Variants in DNAI2 observed in about 807,000 individuals in gnomAD.
DNAI2 encodes the protein dynein axonemal intermediate chain 2, also known as dynein, axonemal, intermediate polypeptide 2.
In DNAI2, 63 loss-of-function variants were observed where a neutral mutation model predicts 74.7. The observed-to-expected ratio is 0.84, with a 90% confidence interval of 0.69 to 1.04. DNAI2 has a LOEUF of 1.04. DNAI2 is among the 50% of genes least tolerant of loss of function. DNAI2 has a pLI of 0.00. For synonymous variants in DNAI2, 289 were observed against 314.9 expected, an observed-to-expected ratio of 0.92 and a Z score of 0.87; for missense variants, 688 against 803.2, an observed-to-expected ratio of 0.86 and a Z score of 1.73.
At chr17:74,285,862 T>C (rs1400396421) in intron 3 of DNAI2, among the ~76,000 whole-genome samples, 2 of 151,618 alleles carry the variant, frequency 1.3e-5, no homozygotes, top group Non-Finnish European at 2.9e-5. Flanking sequence ...TGTCCTTTGG[T>C]GGACATTTGC....
At chr17:74,279,663 G>T (rs1253750136) in intron 1 of DNAI2, among the ~76,000 whole-genome samples, 5 of 152,130 alleles carry the variant, frequency 3.3e-5, no homozygotes, top group Non-Finnish European at 7.4e-5. Context: ...GAGTAGCTGT[G>T]ATTACAGGCA....
chr17:74,311,933 GC>G, intron 11 of DNAI2, 69 bp from the exon 12 acceptor site: 1 of 1,470,036 alleles, frequency 6.8e-7, no homozygotes, highest in Non-Finnish European at 9.4e-7. Flanking sequence ...GCCCCACCTG[GC>G]CCCAGCACTG....
At chr17:74,309,930 G>T (rs2053415984) in intron 10 of DNAI2, 87 bp from the exon 11 acceptor site, 3 of 1,578,988 alleles carry the variant, frequency 1.9e-6, no homozygotes, top group Admixed American at 1.7e-5. Flanking sequence ...GGGCCAAGTG[G>T]CTGAGCCTCC....
At chr17:74,274,627 T>A (rs1391889710) in intron 1 of DNAI2, among the ~76,000 whole-genome samples, 2 of 152,042 alleles carry the variant, frequency 1.3e-5, no homozygotes, top group African/African-American at 4.8e-5. Flanking sequence ...GATACAGTCC[T>A]TGTCCTGGAG....
chr17:74,309,553 C>A, intron 10 of DNAI2, 165 bp downstream of exon 10: 1 of 928,414 alleles, frequency 1.1e-6, no homozygotes, highest in Non-Finnish European at 1.7e-6. Flanking sequence ...TGCTTTTGAG[C>A]GTGTGCTCCT....
intron 6 of DNAI2, among the ~76,000 whole-genome samples, chr17:74,293,255 G>A (rs1325854189): frequency 1.3e-5 from 2 of 152,124 alleles, no homozygotes; most frequent in Non-Finnish European, 2.9e-5. Context: ...GGATACTGAT[G>A]TCTGCCATTA....
At position 74,285,017 on chromosome 17, in the gene DNAI2, C is replaced by A. The variant is rs1035134231; in HGVS notation, c.184-23C>A. 6.2e-6 allele frequency: 10 copies of A among 1,613,890 alleles called. No individual in the cohort carries two copies. In the Admixed American group the frequency reaches 1.5e-4, roughly 24 times the overall value. Reference sequence around the variant, plus strand: ...TGGGAGTATACCAGGGTGACGTCTTCCCTCCTGCGGCTCTCTGTTTAGGCC... The same window carrying A: ...TGGGAGTATACCAGGGTGACGTCTTACCTCCTGCGGCTCTCTGTTTAGGCC... On this transcript the variant is annotated intron_variant, in intron 2 of 13. Coordinates refer to ENST00000311014, the MANE Select transcript of DNAI2 (RefSeq NM_023036.6).
rs1424400690 is a variant in DNAI2 at position 74,310,086 on chromosome 17, C to A, written c.1417C>A (p.Leu473Met). The A allele has an allele frequency of 6.2e-7, 1 of 1,613,922 alleles. No homozygotes were observed. Among genetic ancestry groups the A allele is most frequent in the Non-Finnish European group, 8.5e-7 (1 of 1,180,036 alleles). ...GTGTCTCATCGCCTGCGGCTCCCAGCTGGGGACAACCACCCTGCTGGAGGT... is the reference window on the plus strand; with the variant it reads ...GTGTCTCATCGCCTGCGGCTCCCAGATGGGGACAACCACCCTGCTGGAGGT... ...NGCLIACGSQ[L>M]GTTTLLEVSP... Residue 473 changes from leucine to methionine, a missense_variant, in exon 11 of 14, where the codon CTG (leucine) becomes ATG (methionine). Leu to Met is a conservative substitution (Grantham distance 15). Transcript: ENST00000311014.
At position 74,309,245 on chromosome 17, in the gene DNAI2, T is replaced by C; in HGVS notation, c.1212-8T>C. 2 of 1,613,836 alleles carry C rather than the reference T, an allele frequency of 1.2e-6. No individual in the cohort carries two copies. Among genetic ancestry groups the C allele is most frequent in the Non-Finnish European group, 1.7e-6 (2 of 1,179,954 alleles). ...CCCTCCAACCATGATGTGGTCTACCTCCCACAGGTACCACATGGCTTACCT... is the reference window on the plus strand; with the variant it reads ...CCCTCCAACCATGATGTGGTCTACCCCCCACAGGTACCACATGGCTTACCT... On this transcript the variant is annotated splice_region_variant and splice_polypyrimidine_tract_variant and intron_variant, in intron 9 of 13. Coordinates refer to ENST00000311014, the MANE Select transcript of DNAI2 (RefSeq NM_023036.6).
intron 3 of DNAI2, among the ~76,000 whole-genome samples, chr17:74,286,297 A>AAATAATAATAAT (rs10637482): frequency 0.13 from 18,437 of 140,458 alleles, 1,381 homozygotes; most frequent in Non-Finnish European, 0.17. Flanking sequence ...CTGTGTCTCA[A>AAATAATAATAAT]AATAATAATA....
chr17:74,313,933 C>T, intron 12 of DNAI2, 188 bp from the exon 13 acceptor site: 1 of 805,642 alleles, frequency 1.2e-6, no homozygotes, highest in South Asian at 1.7e-5. Flanking sequence ...ATTCCCCCAG[C>T]TCTGCCCACT....
chr17:74,309,197 A>C, intron 9 of DNAI2, 56 bp from the exon 10 acceptor site: 1 of 1,603,230 alleles, frequency 6.2e-7, no homozygotes. Flanking sequence ...AAGTGAGCCA[A>C]GCTGTGGCTC....
At chr17:74,309,769 G>C in intron 10 of DNAI2, 1 of 643,112 alleles carries the variant, frequency 1.6e-6, no homozygotes, top group Non-Finnish European at 2.8e-6. Context: ...GCCACGGAAG[G>C]GTGGGGGCAT....
chr17:74,304,002 G>A (rs557718682), intron 8 of DNAI2, among the ~76,000 whole-genome samples: 1 of 151,558 alleles, frequency 6.6e-6, no homozygotes, highest in Admixed American at 6.6e-5. Flanking sequence ...GTGTGTGCTT[G>A]TGGTCCCTAC....
chr17:74,287,635 C>T (rs1010964259), intron 4 of DNAI2, among the ~76,000 whole-genome samples: 2 of 152,178 alleles, frequency 1.3e-5, no homozygotes, highest in African/African-American at 2.4e-5. Flanking sequence ...CACACCCACA[C>T]GACGGAATGC....
chr17:74,284,432 A>G (rs1287865067), intron 2 of DNAI2, among the ~76,000 whole-genome samples: 1 of 151,728 alleles, frequency 6.6e-6, no homozygotes, highest in Non-Finnish European at 1.5e-5. Flanking sequence ...TTTTTTTTTG[A>G]GACGGAGTCT....
chr17:74,284,077 G>T (rs1456694784), intron 2 of DNAI2, among the ~76,000 whole-genome samples: 2 of 151,242 alleles, frequency 1.3e-5, no homozygotes, highest in Non-Finnish European at 2.9e-5. Flanking sequence ...GGCGAAGGTT[G>T]CAGTGAGCCG....
intron 8 of DNAI2, among the ~76,000 whole-genome samples, chr17:74,301,780 C>T (rs945188911): frequency 1.4e-4 from 21 of 145,902 alleles, no homozygotes; most frequent in African/African-American, 5.1e-4. Context: ...GAGACCCCCC[C>T]CACCGCCCGC....
intron 6 of DNAI2, 77 bp from the exon 7 acceptor site, chr17:74,299,641 C>G: frequency 6.3e-7 from 1 of 1,593,814 alleles, no homozygotes; most frequent in Non-Finnish European, 8.6e-7. Context: ...CAGCAGCCCC[C>G]TCTCTCCCCT....
Sources: gnomAD v4.1 joint callset for allele counts (sites outside exome capture counted in the v4.1 genomes callset) on GRCh38, gnomAD v4.1.1 for gene constraint, MANE v1.5 for transcripts, NCBI Gene and HGNC (gene_info 2026-07-23, HGNC 2026-07-21) for gene names.